The following ADH1A variants were observed in gnomAD, a reference collection of about 807,000 sequenced individuals.
The protein encoded by ADH1A is alcohol dehydrogenase 1A (class I), alpha polypeptide.
In ADH1A, 29 loss-of-function variants were observed where a neutral mutation model predicts 35.2. The ratio of observed to expected loss-of-function variants is 0.82; its 90% CI spans 0.61 to 1.12. ADH1A has a LOEUF of 1.12. Among genes scored for constraint, ADH1A ranks in the 50% most tolerant of loss-of-function variants. The pLI, the probability that ADH1A is intolerant of heterozygous loss-of-function variation, is 0.00. For synonymous variants in ADH1A, 147 were observed against 164.8 expected (o/e 0.89, Z 0.83); for missense variants, 469 against 464.7 (o/e 1.01, Z -0.09).
At position 99,286,938 on chromosome 4, in the gene ADH1A, G is replaced by A; in HGVS notation, c.171C>T (p.Thr57=). 1 of 1,614,120 alleles carries A rather than the reference G, an allele frequency of 6.2e-7. No individual in the cohort carries two copies. Among genetic ancestry groups the A allele is most frequent in the Non-Finnish European group, 8.5e-7 (1 of 1,180,008 alleles). Residue 57 remains threonine, a synonymous_variant, in exon 3 of 9, where the codon ACC becomes ACT. Transcript: ENST00000209668. ...AAATCACAGGAAGTGGGGTCACCAT[G>A]GTACCACTAACCACGTGGTCATCTG... The part of the protein sequence containing the change: ...CGTDDHVVSG[T]MVTPLPVILG...
chr4:99,288,363 G>A (rs886885690), intron 1 of ADH1A, among the ~76,000 whole-genome samples: 1 of 150,940 alleles, frequency 6.6e-6, no homozygotes, highest in Non-Finnish European at 1.5e-5. Context: ...GTGTGTATGT[G>A]TGTGTGTGTA....
intron 1 of ADH1A, among the ~76,000 whole-genome samples, chr4:99,290,429 T>C (rs995837770): frequency 1.3e-5 from 2 of 152,160 alleles, no homozygotes; most frequent in African/African-American, 4.8e-5. Flanking sequence ...TATGTTAAGG[T>C]TAAAAGGGTA....
At chr4:99,282,647 T>C (rs1405836903) in intron 5 of ADH1A, 41 bp from the exon 6 acceptor site, 3 of 1,597,382 alleles carry the variant, frequency 1.9e-6, no homozygotes, top group Non-Finnish European at 2.6e-6. Context: ...ATAAAAACTT[T>C]ATAAAGTGCC....
At chr4:99,290,821 T>C in intron 1 of ADH1A, 76 bp downstream of exon 1, 1 of 1,425,440 alleles carries the variant, frequency 7.0e-7, no homozygotes, top group South Asian at 1.2e-5. Flanking sequence ...TTTTAAATGA[T>C]TCATCAAATA....
intron 3 of ADH1A, among the ~76,000 whole-genome samples, chr4:99,286,235 A>G (rs545895410): frequency 2.0e-5 from 3 of 152,214 alleles, no homozygotes; most frequent in Admixed American, 2.0e-4. Flanking sequence ...GCATGGCTGA[A>G]AGTAATAAGG....
At chr4:99,287,422 A>T (rs1733179962) in intron 2 of ADH1A, 142 bp downstream of exon 2, 7 of 826,468 alleles carry the variant, frequency 8.5e-6, no homozygotes, top group Non-Finnish European at 1.1e-5. Context: ...CTTTTTTAAA[A>T]TTTAAAAATT....
At chr4:99,288,576 AAATTGC>A (rs1733214478) in intron 1 of ADH1A, 1 of 152,216 alleles carries the variant, frequency 6.6e-6, no homozygotes, top group Admixed American at 6.5e-5. Context: ...AGAATCAACA[AAATTGC>A]AATTATGATA....
chr4:99,290,045 A>T (rs867755917), intron 1 of ADH1A, among the ~76,000 whole-genome samples: 4 of 152,180 alleles, frequency 2.6e-5, no homozygotes, highest in African/African-American at 9.6e-5. Context: ...TACACTCCTA[A>T]CACAAAAAAG....
chr4:99,282,415 C>T lies in ADH1A; in HGVS notation c.759G>A (p.Glu253=), dbSNP rs751890590. 2.5e-5 allele frequency: 40 copies of T among 1,613,702 alleles called. No individual in the cohort carries two copies. The highest frequency in any genetic ancestry group is 3.3e-5 in the Non-Finnish European group (39 of 1,179,734). ...CTCCATCAGTCATTTCCTTTAGCAC[C>T]TCCTGGATGGGTTTCTTGTAGTCTT... ...NPQDYKKPIQ[E]VLKEMTDGGV... Residue 253 remains glutamate, a synonymous_variant, in exon 6 of 9, where the codon GAG becomes GAA. Coordinates refer to ENST00000209668, the MANE Select transcript of ADH1A (RefSeq NM_000667.4).
At chr4:99,278,041 TATTG>T (rs1400667585) in intron 8 of ADH1A, among the ~76,000 whole-genome samples, 1 of 152,096 alleles carries the variant, frequency 6.6e-6, no homozygotes, top group East Asian at 1.9e-4. Flanking sequence ...GTCTTACCAA[TATTG>T]AGTGTTACAA....
chr4:99,280,429 C>CTATCCCGTGCAAAAAA, intron 6 of ADH1A, 150 bp from the exon 7 acceptor site: 2 of 1,315,862 alleles, frequency 1.5e-6, no homozygotes, highest in South Asian at 1.6e-5. Flanking sequence ...CTTTTTTGCA[C>CTATCCCGTGCAAAAAA]GGGATAGTGC....
At position 99,284,436 on chromosome 4, in the gene ADH1A, A is replaced by G. The variant is rs1282261478; in HGVS notation, c.530T>C (p.Phe177Ser). Residue 177 changes from phenylalanine (F) to serine (S), a missense_variant, in exon 5 of 9, where the codon TTT becomes TCT. By Grantham distance (155) the Phe-to-Ser change is radical. Coordinates refer to ENST00000209668, the MANE Select transcript of ADH1A (RefSeq NM_000667.4). ...GACTGCAGACCCATAACCAGTTGAA[A>G]ATCCACAGCCAATGAGACAGACTTT... ...LEKVCLIGCG[F>S]STGYGSAVNV... 6.2e-7 allele frequency: 1 copy of G among 1,614,176 alleles called. No homozygotes were observed. The highest frequency in any genetic ancestry group is 1.7e-5 in the Admixed American group (1 of 60,014).
intron 4 of ADH1A, 49 bp from the exon 5 acceptor site, chr4:99,284,667 A>C: frequency 6.2e-7 from 1 of 1,613,392 alleles, no homozygotes; most frequent in Non-Finnish European, 8.5e-7. Context: ...CAGGACCATA[A>C]CTAATGTGCA....
chr4:99,287,739 T>C, intron 1 of ADH1A, 74 bp from the exon 2 acceptor site: 1 of 1,524,666 alleles, frequency 6.6e-7, no homozygotes, highest in Non-Finnish European at 9.1e-7. Context: ...ATTTCATCTT[T>C]GTACATACAA....
chr4:99,279,349 C>A (rs1732940677), intron 8 of ADH1A, 77 bp downstream of exon 8: 1 of 1,504,878 alleles, frequency 6.6e-7, no homozygotes, highest in Non-Finnish European at 8.8e-7. Flanking sequence ...TCTCATCCTT[C>A]CACCTTTTCA....
rs561451769 is a variant in ADH1A at position 99,282,584 on chromosome 4, G to A, written c.590C>T (p.Ala197Val). Reference protein sequence around the residue: ...VAKVTPGSTCAVFGLGGVGLS... With the variant: ...VAKVTPGSTCVVFGLGGVGLS... ...GCCGACCCCTCCCAGGCCAAACACAGCACAGGTAGAGCCTGGGGTGACCTG... is the reference window on the plus strand; with the variant it reads ...GCCGACCCCTCCCAGGCCAAACACAACACAGGTAGAGCCTGGGGTGACCTG... Residue 197 changes from alanine (A) to valine (V), a missense_variant, in exon 6 of 9, where the codon GCT (alanine) becomes GTT (valine). Coordinates refer to ENST00000209668, the MANE Select transcript of ADH1A (RefSeq NM_000667.4). The A allele has an allele frequency of 1.2e-6, 2 of 1,614,198 alleles. No individual in the cohort carries two copies. The highest frequency in any genetic ancestry group is 2.2e-5 in the South Asian group (2 of 91,080).
chr4:99,288,499 G>T (rs977473616), intron 1 of ADH1A, among the ~76,000 whole-genome samples: 1 of 152,120 alleles, frequency 6.6e-6, no homozygotes, highest in African/African-American at 2.4e-5. Context: ...CCAGTGCTTG[G>T]CAGTGAACTG....
At chr4:99,285,650 T>C (rs1361694338) in intron 3 of ADH1A, among the ~76,000 whole-genome samples, 1 of 152,140 alleles carries the variant, frequency 6.6e-6, no homozygotes, top group African/African-American at 2.4e-5. Flanking sequence ...CTAAAGAAAT[T>C]AGTAGGAGCT....
intron 3 of ADH1A, among the ~76,000 whole-genome samples, chr4:99,286,421 G>C (rs1229967): frequency 0.82 from 124,200 of 152,116 alleles, 51,031 homozygotes; most frequent in East Asian, 0.91. Context: ...GCCATGTAGC[G>C]TCCATTTTGT....
Sources: allele counts gnomAD v4.1 joint callset (sites outside exome capture counted in the v4.1 genomes callset), GRCh38; gene constraint gnomAD v4.1.1; transcripts MANE v1.5; gene names NCBI Gene and HGNC (gene_info 2026-07-23, HGNC 2026-07-21).